Variants in ICE2 observed in about 807,000 individuals in gnomAD.
ICE2 encodes the protein little elongation complex subunit 2.
In ICE2, 87 loss-of-function variants were observed where a neutral mutation model predicts 105.4. That is an observed-to-expected ratio of 0.83 (90% CI 0.69 to 0.99). The LOEUF (loss-of-function observed/expected upper bound fraction) is 0.99. Ranked by LOEUF, ICE2 falls within the 50% of genes least tolerant of loss-of-function variation. The pLI is 0.00. For missense variants in ICE2, 1,323 were observed against 1,146.7 expected, an observed-to-expected ratio of 1.15 and a Z score of -2.22; for synonymous variants, 399 against 392.0, an observed-to-expected ratio of 1.02 and a Z score of -0.21.
chr15:60,470,918 G>A (rs889192896), intron 3 of ICE2, among the ~76,000 whole-genome samples: 1 of 152,032 alleles, frequency 6.6e-6, no homozygotes, highest in Non-Finnish European at 1.5e-5. Context: ...ATAAAAAGTG[G>A]GAGGGTATCA....
In ICE2 at chr15:60,448,929, A is replaced by C. The variant is rs1274726961; in HGVS notation, c.2038T>G (p.Ser680Ala). 6.2e-7 allele frequency: 1 copy of C among 1,613,996 alleles called. No homozygotes were observed. ...TCTGAAGGACCAGACAATTGCTCAG[A>C]AACAGAAGGCTGTTTAGAATTTTCT... ...NLENSKQPSV[S>A]EQLSGPSDSS... is the part of the protein sequence containing the mutation. Residue 680 changes from serine (S) to alanine (A), a missense_variant, in exon 10 of 16, where the codon TCT (serine) becomes GCT (alanine). Coordinates refer to ENST00000261520, the MANE Select transcript of ICE2 (RefSeq NM_024611.6).
intron 13 of ICE2, among the ~76,000 whole-genome samples, chr15:60,434,302 G>A (rs1409366580): frequency 1.3e-5 from 2 of 152,178 alleles, no homozygotes; most frequent in Admixed American, 6.5e-5. Flanking sequence ...AAACTGAGAA[G>A]TTAGACTCTC....
chr15:60,461,274 A>G (rs1279064790), intron 5 of ICE2, among the ~76,000 whole-genome samples: 1 of 152,314 alleles, frequency 6.6e-6, no homozygotes, highest in East Asian at 1.9e-4. Context: ...AAATTTAAAA[A>G]TACATCACAA....
chr15:60,446,885 G>A (rs1194889471), intron 11 of ICE2, among the ~76,000 whole-genome samples: 1 of 151,968 alleles, frequency 6.6e-6, no homozygotes, highest in Non-Finnish European at 1.5e-5. Context: ...TTTTAAATGT[G>A]TACTGTGACA....
Position 60,462,887 on chromosome 15 carries a change from C to T in ICE2, c.528+3707G>A, listed in dbSNP as rs550023793. Among the ~76,000 whole-genome samples, 15 of 152,288 alleles carry T rather than the reference C, an allele frequency of 9.8e-5. No homozygotes were observed. In the East Asian group the frequency reaches 2.9e-3, roughly 29 times the overall value. ...TACTCAAGTTGAAGATACGCATACT[C>T]TATGACCGAATAATTCCACTTATAG... On this transcript the variant is annotated intron_variant, in intron 5 of 15. Coordinates refer to ENST00000261520, the MANE Select transcript of ICE2 (RefSeq NM_024611.6).
At chr15:60,451,457 C>T (rs2063965067) in intron 9 of ICE2, 1 of 982,742 alleles carries the variant, frequency 1.0e-6, no homozygotes, top group Non-Finnish European at 1.2e-6. Flanking sequence ...AAACAATAAA[C>T]TCAAGCACTT....
Position 60,456,736 on chromosome 15 carries a change from T to G in ICE2, c.587A>C (p.His196Pro). 1 of 1,586,072 alleles carries G rather than the reference T, an allele frequency of 6.3e-7. No homozygotes were observed. Among genetic ancestry groups the G allele is most frequent in the Non-Finnish European group, 8.6e-7 (1 of 1,165,720 alleles). The change falls in exon 6 of 16, where the codon CAC becomes CCC. Residue 196 changes from histidine to proline, a missense_variant. Coordinates refer to ENST00000261520, the MANE Select transcript of ICE2 (RefSeq NM_024611.6). ...GAATCCCATTAAGCTGGTGACCTCG[T>G]GGAGAGTATAGAATTCTGAATACTT... The part of the protein sequence containing the change: ...VKKYSEFYTL[H>P]EVTSLMGFFP...
At position 60,436,123 on chromosome 15, in the gene ICE2, C is replaced by A; in HGVS notation, c.2510+20G>T. The A allele has an allele frequency of 2.8e-6, 3 of 1,085,950 alleles. No individual in the cohort carries two copies. Among genetic ancestry groups the A allele is most frequent in the East Asian group, 2.7e-5 (1 of 37,444 alleles). 67.3% of individuals were successfully genotyped at this position (1,085,950 alleles called of 1,614,324 possible). A position where few individuals can be genotyped will look rare whatever the true frequency, so the allele number is the denominator to read the frequency against. On this transcript the variant is annotated intron_variant, in intron 13 of 15. Coordinates refer to ENST00000261520, the MANE Select transcript of ICE2 (RefSeq NM_024611.6). Reference sequence around the variant, plus strand: ...CATTAACAAATTTTTCAATTCTCACCACAAAGTAAACTTTCTTACTTGAGT... The same window carrying A: ...CATTAACAAATTTTTCAATTCTCACAACAAAGTAAACTTTCTTACTTGAGT...
chr15:60,464,072 T>C (rs907708120), intron 5 of ICE2, among the ~76,000 whole-genome samples: 2 of 152,242 alleles, frequency 1.3e-5, no homozygotes, highest in Non-Finnish European at 2.9e-5. Flanking sequence ...GTACGTGACA[T>C]TGTACAACAT....
Position 60,421,024 on chromosome 15 carries a change from C to T in ICE2, c.*2610G>A, listed in dbSNP as rs551424605. The T allele has an allele frequency of 2.6e-5, 4 of 151,698 alleles. No individual in the cohort carries two copies. Among genetic ancestry groups the T allele is most frequent in the Non-Finnish European group, 5.9e-5 (4 of 68,006 alleles). The allele number at this position is 151,698 out of a possible 1,614,324, so 9.4% of individuals were successfully genotyped here. On this transcript the variant is annotated 3_prime_UTR_variant, in exon 16 of 16. Transcript: ENST00000261520. Reference sequence around the variant, plus strand: ...AAGAAACAAATAAATATGGTGAGATCTGAAAAAACAAGGCTATGAGAGAAT... The same window carrying T: ...AAGAAACAAATAAATATGGTGAGATTTGAAAAAACAAGGCTATGAGAGAAT...
chr15:60,455,797 T>C (rs2064093552), intron 6 of ICE2, among the ~76,000 whole-genome samples: 1 of 152,134 alleles, frequency 6.6e-6, no homozygotes, highest in South Asian at 2.1e-4. Context: ...TTTGTATTTT[T>C]AGTAGGAACG....
chr15:60,441,464 A>T (rs565234804), intron 12 of ICE2: 1 of 152,352 alleles, frequency 6.6e-6, no homozygotes, highest in African/African-American at 2.4e-5. Context: ...ATGCAGTATA[A>T]CACAAAATTT....
intron 12 of ICE2, chr15:60,441,654 T>C (rs1415223703): frequency 6.6e-6 from 1 of 152,160 alleles, no homozygotes; most frequent in Admixed American, 6.5e-5. Context: ...CTGAGATGAT[T>C]AGAAAGGATT....
Position 60,455,516 on chromosome 15 carries a change from T to C in ICE2, c.667-74A>G, listed in dbSNP as rs1006039105. The C allele has an allele frequency of 9.0e-6, 8 of 893,658 alleles. No homozygotes were observed. In the African/African-American group the frequency reaches 1.0e-4, roughly 11 times the overall value. The allele number at this position is 893,658 out of a possible 1,614,324, so 55.4% of individuals were successfully genotyped here. ...TTTCTAAGAAAAGTATCTTTCATCA[T>C]ATGAAACTCTTAACTTGAACTTTAT... On this transcript the variant is annotated intron_variant, in intron 6 of 15. Coordinates refer to ENST00000261520, the MANE Select transcript of ICE2 (RefSeq NM_024611.6).
Position 60,449,162 on chromosome 15 carries a change from C to T in ICE2, c.1805G>A (p.Arg602Lys), listed in dbSNP as rs1435453918. ...TGAGGAAGAATTTGGACTAGCTGGT[C>T]TGGAACTTAAGTTAGAACCCACAAC... ...TAVVGSNLSS[R>K]PASPNSSSGQ... The change falls in exon 10 of 16, where the codon AGA becomes AAA. Residue 602 changes from arginine to lysine, a missense_variant. Arg to Lys is a conservative substitution (Grantham distance 26, BLOSUM62 2). Coordinates refer to ENST00000261520, the MANE Select transcript of ICE2 (RefSeq NM_024611.6). 1 of 1,613,936 alleles carries T rather than the reference C, an allele frequency of 6.2e-7. No individual in the cohort carries two copies. The highest frequency in any genetic ancestry group is 1.3e-5 in the African/African-American group (1 of 74,942).
chr15:60,467,529 A>G (rs1595815213), intron 4 of ICE2, among the ~76,000 whole-genome samples: 1 of 152,184 alleles, frequency 6.6e-6, no homozygotes, highest in Non-Finnish European at 1.5e-5. Flanking sequence ...TTACCCCTGT[A>G]GGATTAGAGA....
intron 13 of ICE2, among the ~76,000 whole-genome samples, chr15:60,433,594 G>A (rs975761412): frequency 8.0e-5 from 12 of 150,290 alleles, no homozygotes; most frequent in Admixed American, 6.0e-4. Context: ...GGGTTCAAGC[G>A]ATTCTCCTGC....
chr15:60,436,267 C>T, intron 12 of ICE2, 40 bp from the exon 13 acceptor site: 2 of 744,348 alleles, frequency 2.7e-6, no homozygotes, highest in Non-Finnish European at 2.1e-6. Flanking sequence ...GAAGCAATTG[C>T]AGTATTTAGA....
At chr15:60,466,864 T>A in intron 4 of ICE2, 151 bp from the exon 5 acceptor site, 1 of 663,606 alleles carries the variant, frequency 1.5e-6, no homozygotes, top group Non-Finnish European at 2.5e-6. Context: ...AAAATTATTA[T>A]GCAGTAATGA....
Sources: allele counts gnomAD v4.1 joint callset (sites outside exome capture counted in the v4.1 genomes callset), GRCh38; gene constraint gnomAD v4.1.1; transcripts MANE v1.5; gene names NCBI Gene and HGNC (gene_info 2026-07-23, HGNC 2026-07-21).